The following TAFA2 variants were observed in gnomAD, a reference collection of about 807,000 sequenced individuals.
TAFA2 encodes chemokine-like protein TAFA-2.
A neutral mutation model predicts 18.8 loss-of-function variants in TAFA2; 7 were observed. That is an observed-to-expected ratio of 0.37 (90% confidence interval 0.21 to 0.70). TAFA2 has a LOEUF of 0.70. Among genes scored for constraint, TAFA2 ranks in the 30% least tolerant of loss-of-function variants. The pLI is 0.53. For synonymous variants in TAFA2, 60 were observed against 54.2 expected, an observed-to-expected ratio of 1.11 and a Z score of -0.47; for missense variants, 122 against 158.1, an observed-to-expected ratio of 0.77 and a Z score of 1.23.
intron 1 of TAFA2, among the ~76,000 whole-genome samples, chr12:62,146,129 C>T (rs953713569): frequency 3.9e-5 from 6 of 152,122 alleles, no homozygotes; most frequent in Non-Finnish European, 5.9e-5. Context: ...ACAGTTTCCC[C>T]GTCATGAAGG....
intron 1 of TAFA2, among the ~76,000 whole-genome samples, chr12:62,113,185 T>C (rs1393616658): frequency 6.6e-6 from 1 of 152,208 alleles, no homozygotes; most frequent in Non-Finnish European, 1.5e-5. Flanking sequence ...GTCCTTTTTG[T>C]TGATGTTGAT....
chr12:62,135,062 C>A (rs1459517786), intron 1 of TAFA2, among the ~76,000 whole-genome samples: 1 of 152,044 alleles, frequency 6.6e-6, no homozygotes, highest in Non-Finnish European at 1.5e-5. Context: ...GCAATAATTC[C>A]ATGTCATAAT....
chr12:62,004,057 T>C (rs946465760), intron 1 of TAFA2, among the ~76,000 whole-genome samples: 13 of 152,190 alleles, frequency 8.5e-5, no homozygotes, highest in East Asian at 3.8e-4. Context: ...TTTTGGTTTA[T>C]AGTTATCTGA....
At chr12:61,981,844 A>C (rs1246136418) in intron 1 of TAFA2, among the ~76,000 whole-genome samples, 3 of 151,944 alleles carry the variant, frequency 2.0e-5, no homozygotes, top group African/African-American at 7.2e-5. Flanking sequence ...TGTTGGTGGG[A>C]GTGTAAATTA....
At chr12:61,884,183 G>A (rs537649959) in intron 1 of TAFA2, among the ~76,000 whole-genome samples, 3 of 152,134 alleles carry the variant, frequency 2.0e-5, no homozygotes, top group South Asian at 2.1e-4. Flanking sequence ...TGTATTAAGC[G>A]GAGGAATAAG....
intron 1 of TAFA2, among the ~76,000 whole-genome samples, chr12:61,935,784 C>T (rs1384341364): frequency 6.6e-6 from 1 of 151,714 alleles, no homozygotes; most frequent in African/African-American, 2.4e-5. Flanking sequence ...ACACAAGCCC[C>T]CAAGATTGAA....
At chr12:62,076,658 T>C (rs1456226989) in intron 1 of TAFA2, among the ~76,000 whole-genome samples, 1 of 152,186 alleles carries the variant, frequency 6.6e-6, no homozygotes, top group African/African-American at 2.4e-5. Context: ...ATTTAAACAA[T>C]ACTTCTCCTA....
chr12:61,837,391 C>T (rs769051257), intron 2 of TAFA2, among the ~76,000 whole-genome samples: 4 of 151,980 alleles, frequency 2.6e-5, no homozygotes, highest in Non-Finnish European at 5.9e-5. Flanking sequence ...TCTTTAGAGA[C>T]ATCATAACTC....
At chr12:62,008,604 TACTATAAC>T (rs1880634212) in intron 1 of TAFA2, among the ~76,000 whole-genome samples, 1 of 152,176 alleles carries the variant, frequency 6.6e-6, no homozygotes, top group South Asian at 2.1e-4. Context: ...AAAATATTAC[TACTATAAC>T]ACCCATCTTT....
intron 1 of TAFA2, among the ~76,000 whole-genome samples, chr12:61,960,820 C>T (rs1461294225): frequency 2.0e-5 from 3 of 151,238 alleles, no homozygotes; most frequent in African/African-American, 7.3e-5. Flanking sequence ...TTTGCTTCAG[C>T]CATAAACTAA....
At chr12:61,874,807 A>C (rs1874771299) in intron 1 of TAFA2, among the ~76,000 whole-genome samples, 1 of 152,180 alleles carries the variant, frequency 6.6e-6, no homozygotes, top group Admixed American at 6.5e-5. Context: ...ACCTGAAATG[A>C]TCAAGGCTAA....
intron 1 of TAFA2, chr12:61,879,457 C>G (rs1217384401): frequency 1.6e-5 from 11 of 692,438 alleles, no homozygotes; most frequent in African/African-American, 5.3e-5. Context: ...CAGCAGCTTC[C>G]AGGGTGGCCT....
At chr12:62,249,914 G>GC (rs1226464924) in intron 1 of TAFA2, among the ~76,000 whole-genome samples, 10 of 152,304 alleles carry the variant, frequency 6.6e-5, no homozygotes, top group Non-Finnish European at 1.0e-4. Context: ...TGGCAGTCTA[G>GC]CAAGGGTGGT....
At chr12:62,235,612 T>C (rs1002563743) in intron 1 of TAFA2, 1 of 268,294 alleles carries the variant, frequency 3.7e-6, no homozygotes, top group Non-Finnish European at 7.1e-6. Flanking sequence ...CTGGTTGTTT[T>C]GTAACTCCTT....
chr12:61,708,619 G>A lies in TAFA2; in HGVS notation c.*1787C>T, dbSNP rs542215866. ...ATTTCATATAGTCTTGAGCCATTGT[G>A]AAAATCCACTCAAAGCCATCTAATT... On this transcript the variant is annotated 3_prime_UTR_variant, in exon 5 of 5. Coordinates refer to ENST00000416284, the MANE Select transcript of TAFA2 (RefSeq NM_178539.5). 1 of 152,126 alleles carries A rather than the reference G, an allele frequency of 6.6e-6. No homozygotes were observed. Among genetic ancestry groups the A allele is most frequent in the East Asian group, 1.9e-4 (1 of 5,172 alleles). 9.4% of individuals were successfully genotyped at this position (152,126 alleles called of 1,614,324 possible).
At chr12:62,000,587 T>G (rs1316392285) in intron 1 of TAFA2, among the ~76,000 whole-genome samples, 3 of 146,498 alleles carry the variant, frequency 2.0e-5, no homozygotes, top group Non-Finnish European at 4.5e-5. Flanking sequence ...CAGTGATATA[T>G]CTATGTATTT....
intron 1 of TAFA2, among the ~76,000 whole-genome samples, chr12:61,947,532 C>T (rs1246427724): frequency 4.0e-5 from 6 of 151,894 alleles, no homozygotes; most frequent in African/African-American, 7.3e-5. Flanking sequence ...TCTCACAAAA[C>T]CTGAAAACTA....
intron 1 of TAFA2, among the ~76,000 whole-genome samples, chr12:62,136,414 T>C (rs1053860510): frequency 2.0e-5 from 3 of 152,168 alleles, no homozygotes; most frequent in African/African-American, 4.8e-5. Context: ...GGAAAATAGA[T>C]CTGCTTTTTC....
chr12:62,099,368 C>T (rs906146133), intron 1 of TAFA2, among the ~76,000 whole-genome samples: 5 of 152,122 alleles, frequency 3.3e-5, no homozygotes, highest in African/African-American at 1.2e-4. Context: ...GTAGCACTGA[C>T]AATAAATAAA....
Sources: gnomAD v4.1 joint callset for allele counts (sites outside exome capture counted in the v4.1 genomes callset) on GRCh38, gnomAD v4.1.1 for gene constraint, MANE v1.5 for transcripts, NCBI Gene and HGNC (gene_info 2026-07-23, HGNC 2026-07-21) for gene names.